C2CD5: variants seen among roughly 807,000 people sequenced by gnomAD.
C2CD5 encodes the protein C2 calcium dependent domain containing 5, also known as C2 domain-containing protein 5.
In C2CD5, 109 loss-of-function variants were observed where a neutral mutation model predicts 130.3. The ratio of observed to expected loss-of-function variants is 0.84; its 90% CI spans 0.72 to 0.98. The LOEUF (loss-of-function observed/expected upper bound fraction) is 0.98, where lower values mean the gene tolerates loss of function less well. Ranked by LOEUF, C2CD5 falls within the 50% of genes least tolerant of loss-of-function variation. The pLI is 0.00. For synonymous variants in C2CD5, 454 were observed against 429.2 expected, an observed-to-expected ratio of 1.06 and a Z score of -0.71; for missense variants, 996 against 1,261.8, an observed-to-expected ratio of 0.79 and a Z score of 3.19.
intron 14 of C2CD5, among the ~76,000 whole-genome samples, chr12:22,480,483 T>C (rs1343589153): frequency 6.6e-6 from 1 of 152,198 alleles, no homozygotes; most frequent in Non-Finnish European, 1.5e-5. Flanking sequence ...TTAACAGCAC[T>C]AGTGATCAAG....
chr12:22,536,192 C>G (rs1240490760), intron 2 of C2CD5, among the ~76,000 whole-genome samples: 1 of 151,026 alleles, frequency 6.6e-6, no homozygotes, highest in Non-Finnish European at 1.5e-5. Flanking sequence ...TCTGTATATG[C>G]GCACATTATT....
intron 7 of C2CD5, among the ~76,000 whole-genome samples, chr12:22,519,901 C>G (rs1037402703): frequency 2.6e-5 from 4 of 152,014 alleles, no homozygotes; most frequent in Non-Finnish European, 4.4e-5. Context: ...TTAAAGACAT[C>G]TTCATAAAAC....
chr12:22,502,448 T>C (rs1323347301), intron 10 of C2CD5, among the ~76,000 whole-genome samples: 2 of 152,068 alleles, frequency 1.3e-5, no homozygotes, highest in Non-Finnish European at 2.9e-5. Flanking sequence ...TAGAAAACCA[T>C]CCAAAATGTA....
chr12:22,521,446 T>C (rs1485967189), intron 7 of C2CD5, among the ~76,000 whole-genome samples: 1 of 152,204 alleles, frequency 6.6e-6, no homozygotes, highest in Non-Finnish European at 1.5e-5. Context: ...TGTATTTCAT[T>C]CTAAGGAACC....
rs376587653 is a variant in C2CD5, at chr12:22,469,636, T to C, written c.2533+73A>G. 81 of 808,980 alleles carry C rather than the reference T, an allele frequency of 1.0e-4. No individual in the cohort carries two copies. The African/African-American group carries it at 1.2e-3, about 12-fold the overall frequency. The allele number at this position is 808,980 out of a possible 1,614,324, so 50.1% of individuals were successfully genotyped here. The stretch of plus-strand genomic sequence containing the variant: ...TTTTCACCTCAAGGTTAGTAAGATT[T>C]CCTATAATGAAGAAGCAGTGAAAGG... On this transcript the variant is annotated intron_variant, in intron 22 of 26. Coordinates refer to ENST00000446597, the MANE Select transcript of C2CD5 (RefSeq NM_001286176.2).
Position 22,535,273 on chromosome 12 carries a change from C to T in C2CD5, c.162G>A (p.Glu54=), listed in dbSNP as rs775629724. ...AAAAACTTACCTCAAATTTAAACCA[C>T]TCCGAGTTCCACTGAGGGTTGAGTG... ...LKSLNPQWNS[E]WFKFEVDDED... Residue 54 remains glutamate (E), a synonymous_variant, in exon 3 of 27, where the codon GAG becomes GAA. Coordinates refer to ENST00000446597, the MANE Select transcript of C2CD5 (RefSeq NM_001286176.2). 15 of 1,602,070 alleles carry T rather than the reference C, an allele frequency of 9.4e-6. No individual in the cohort carries two copies. In the East Asian group the frequency reaches 3.1e-4, roughly 33 times the overall value.
intron 22 of C2CD5, among the ~76,000 whole-genome samples, chr12:22,460,284 A>T (rs1051369082): frequency 6.6e-6 from 1 of 152,226 alleles, no homozygotes; most frequent in South Asian, 2.1e-4. Context: ...TTCTACCCAC[A>T]TTAGAATATT....
rs572070861 is a variant in C2CD5, at chr12:22,465,265, T to TA, written c.2533+4443dup. ...GGAAAGCAGGAAACAAGGTGGGTAT[T>TA]AAAAAAAAAGAGTCTTCTATACAGT... is the stretch of plus-strand genomic sequence containing the variant. On this transcript the variant is annotated intron_variant, in intron 22 of 26. Transcript: ENST00000446597. Among the ~76,000 whole-genome samples, 236 of 150,966 alleles carry TA rather than the reference T, an allele frequency of 1.6e-3. 1 individual carries two copies. The highest frequency in any genetic ancestry group is 3.4e-3 in the Middle Eastern group (1 of 294).
At chr12:22,510,582 C>G (rs1949075453) in intron 9 of C2CD5, among the ~76,000 whole-genome samples, 1 of 152,050 alleles carries the variant, frequency 6.6e-6, no homozygotes, top group African/African-American at 2.4e-5. Flanking sequence ...GATATAAAAT[C>G]CATAACAGAT....
At chr12:22,539,171 C>A (rs1286157677) in intron 2 of C2CD5, among the ~76,000 whole-genome samples, 1 of 152,176 alleles carries the variant, frequency 6.6e-6, no homozygotes, top group Non-Finnish European at 1.5e-5. Context: ...TAAATCACTA[C>A]AGGATGGGAT....
intron 9 of C2CD5, among the ~76,000 whole-genome samples, chr12:22,509,452 T>C (rs1179664649): frequency 6.6e-6 from 1 of 152,170 alleles, no homozygotes; most frequent in East Asian, 1.9e-4. Context: ...CACAGGGCGA[T>C]GGCTGCCCAT....
chr12:22,525,476 A>G, intron 5 of C2CD5, 134 bp downstream of exon 5: 1 of 686,894 alleles, frequency 1.5e-6, no homozygotes, highest in Non-Finnish European at 2.6e-6. Flanking sequence ...CTATTCTAGA[A>G]AATTAACAAT....
At chr12:22,452,377 T>C (rs1240741412) in intron 26 of C2CD5, among the ~76,000 whole-genome samples, 5 of 152,070 alleles carry the variant, frequency 3.3e-5, no homozygotes, top group Non-Finnish European at 5.9e-5. Context: ...CCTCCCGCCT[T>C]TCTCACTGTT....
chr12:22,526,137 TTTTC>T (rs1240421615), intron 4 of C2CD5, among the ~76,000 whole-genome samples: 1 of 152,194 alleles, frequency 6.6e-6, no homozygotes, highest in East Asian at 1.9e-4. Flanking sequence ...TTCCTAGTTA[TTTTC>T]TTTTTCAGTA....
At chr12:22,499,531 G>C (rs1011806309) in intron 10 of C2CD5, among the ~76,000 whole-genome samples, 2 of 152,148 alleles carry the variant, frequency 1.3e-5, no homozygotes, top group African/African-American at 4.8e-5. Context: ...ATAAGTTCTT[G>C]ATCAGTGTAG....
At chr12:22,510,181 G>A (rs1949032539) in intron 9 of C2CD5, among the ~76,000 whole-genome samples, 1 of 151,936 alleles carries the variant, frequency 6.6e-6, no homozygotes, top group African/African-American at 2.4e-5. Flanking sequence ...CTCCACCCTG[G>A]GCAAGAAGAA....
chr12:22,525,911 TA>T (rs1950675192), intron 4 of C2CD5, among the ~76,000 whole-genome samples: 2 of 152,208 alleles, frequency 1.3e-5, no homozygotes, highest in Non-Finnish European at 2.9e-5. Flanking sequence ...ATACTTTATT[TA>T]AAAAATAGTC....
chr12:22,478,025 A>ACACACACG (rs1944118097), intron 15 of C2CD5: 1 of 364,220 alleles, frequency 2.7e-6, no homozygotes, highest in Non-Finnish European at 5.2e-6. Context: ...ACACACACAC[A>ACACACACG]CACTCACACA....
intron 2 of C2CD5, among the ~76,000 whole-genome samples, chr12:22,540,701 A>G (rs1446994114): frequency 6.6e-6 from 1 of 152,194 alleles, no homozygotes; most frequent in Non-Finnish European, 1.5e-5. Context: ...GCTACTAAAA[A>G]TACAAAAATT....
Sources: allele counts gnomAD v4.1 joint callset (sites outside exome capture counted in the v4.1 genomes callset), GRCh38; gene constraint gnomAD v4.1.1; transcripts MANE v1.5; gene names NCBI Gene and HGNC (gene_info 2026-07-23, HGNC 2026-07-21).